Variants in DOCK10 observed in about 807,000 individuals in gnomAD.
The protein encoded by DOCK10 is dedicator of cytokinesis 10, also known as dedicator of cytokinesis protein 10.
DOCK10 carries 145 observed loss-of-function variants against 280.1 expected under a neutral mutation model. That is an observed-to-expected ratio of 0.52 (90% confidence interval 0.45 to 0.59). The LOEUF (loss-of-function observed/expected upper bound fraction) is 0.59. Ranked by LOEUF, DOCK10 falls within the 20% of genes least tolerant of loss-of-function variation. The probability of loss-of-function intolerance (pLI) is 0.00; values close to 1 mark genes in which losing one functional copy is unlikely to be tolerated. For synonymous variants in DOCK10, 915 were observed against 942.2 expected, an observed-to-expected ratio of 0.97 and a Z score of 0.53; for missense variants, 2,368 against 2,651.7, an observed-to-expected ratio of 0.89 and a Z score of 2.35.
At chr2:224,894,317 A>G (rs1465375409) in intron 4 of DOCK10, among the ~76,000 whole-genome samples, 1 of 152,180 alleles carries the variant, frequency 6.6e-6, no homozygotes, top group East Asian at 1.9e-4. Context: ...TTCTTTCTTT[A>G]CAGCATCATG....
Position 224,770,199 on chromosome 2 carries a change from A to G in DOCK10, c.6444+12T>C, listed in dbSNP as rs753230676. ...GTCCACTGATAGCGCGTGTGCACCA[A>G]GGAGCGCTCACCTGCTCATTCATGA... On this transcript the variant is annotated intron_variant, in intron 55 of 55. Transcript: ENST00000258390. The surrounding 1 kb of genome is among the most constrained non-coding windows in gnomAD (Gnocchi z 4.5). 6.5e-5 allele frequency: 100 copies of G among 1,541,952 alleles called. No homozygotes were observed. The Admixed American group carries it at 1.5e-3, about 23-fold the overall frequency.
intron 31 of DOCK10, among the ~76,000 whole-genome samples, chr2:224,810,607 T>C (rs1160149523): frequency 6.7e-6 from 1 of 149,778 alleles, no homozygotes; most frequent in Non-Finnish European, 1.5e-5. Flanking sequence ...TAGCATTAGG[T>C]TTATCTCCTA....
intron 9 of DOCK10, 31 bp downstream of exon 9, chr2:224,874,635 G>A: frequency 6.4e-7 from 1 of 1,570,058 alleles, no homozygotes; most frequent in Non-Finnish European, 8.8e-7. Flanking sequence ...AATTCAAATT[G>A]GTTTTGCAAG....
At chr2:224,925,464 A>T (rs1268283699) in intron 2 of DOCK10, among the ~76,000 whole-genome samples, 1 of 152,222 alleles carries the variant, frequency 6.6e-6, no homozygotes, top group Non-Finnish European at 1.5e-5. Context: ...GAATTTGAGA[A>T]GATAATGAGA....
chr2:224,808,292 G>C (rs950186867), intron 31 of DOCK10, among the ~76,000 whole-genome samples: 6 of 152,036 alleles, frequency 3.9e-5, no homozygotes, highest in African/African-American at 1.4e-4. Flanking sequence ...CACAAATACA[G>C]GTACAAACTA....
At chr2:224,831,730 G>A (rs1695251199) in intron 26 of DOCK10, among the ~76,000 whole-genome samples, 1 of 152,170 alleles carries the variant, frequency 6.6e-6, no homozygotes. Flanking sequence ...TCTGAGTGCT[G>A]TCCACAACCT....
chr2:224,853,332 G>GA (rs1189868626), intron 16 of DOCK10, among the ~76,000 whole-genome samples: 4 of 152,058 alleles, frequency 2.6e-5, no homozygotes, highest in African/African-American at 7.2e-5. Context: ...TGATGTCTCA[G>GA]AAAAAAACAG....
chr2:224,957,294 C>CCT (rs1559862823), intron 1 of DOCK10, among the ~76,000 whole-genome samples: 2 of 142,280 alleles, frequency 1.4e-5, no homozygotes, highest in African/African-American at 5.1e-5. Flanking sequence ...CGCCCCCCCC[C>CCT]GGCTTTGTTT....
At position 224,823,652 on chromosome 2, in the gene DOCK10, G is replaced by A. The variant is rs1387813676; in HGVS notation, c.3037-5C>T. On this transcript the variant is annotated splice_polypyrimidine_tract_variant and splice_region_variant and intron_variant, in intron 27 of 55. Transcript: ENST00000258390. Reference sequence around the variant, plus strand: ...AAATCTCTGAGGCCGGGGAAGCTAAGGAAAGAACGGATTATATCTTTCTAA... The same window carrying A: ...AAATCTCTGAGGCCGGGGAAGCTAAAGAAAGAACGGATTATATCTTTCTAA... 4.4e-6 allele frequency: 7 copies of A among 1,586,358 alleles called. No individual in the cohort carries two copies. In the African/African-American group the frequency reaches 8.2e-5, roughly 19 times the overall value.
At position 224,916,784 on chromosome 2, in the gene DOCK10, C is replaced by T; in HGVS notation, c.244G>A (p.Ala82Thr). Reference protein sequence around the residue: ...LLFFPSDDFSAATVSWDIRTL... With the variant: ...LLFFPSDDFSTATVSWDIRTL... ...CGGATATCCCAGGAAACTGTGGCTG[C>T]CTGAAACGAACAATGAAAAGAAATT... The change falls in exon 3 of 56, where the codon GCA becomes ACA. Residue 82 changes from alanine to threonine, a missense_variant and splice_region_variant. By Grantham distance (58) the Ala-to-Thr change is moderately conservative. Around this residue, in one of 2 missense-constraint regions of DOCK10, gnomAD observed 1,209 missense variants for 1,250.9 expected, o/e 0.97. Transcript: ENST00000258390. 1.2e-6 allele frequency: 2 copies of T among 1,606,724 alleles called. No homozygotes were observed. The highest frequency in any genetic ancestry group is 8.5e-7 in the Non-Finnish European group (1 of 1,176,282).
rs149445245 is a variant in DOCK10 at position 224,790,560 on chromosome 2, A to T, written c.5312-1390T>A. 2.7e-3 allele frequency among the ~76,000 whole-genome samples: 414 copies of T among 152,294 alleles called. 1 individual carries two copies. Among genetic ancestry groups the T allele is most frequent in the Middle Eastern group, 3.4e-3 (1 of 294 alleles). Reference sequence around the variant, plus strand: ...GTAACTAAATGATCACTCCCCAAACATGCTAGAAATTATAAATATAATAAT... The same window carrying T: ...GTAACTAAATGATCACTCCCCAAACTTGCTAGAAATTATAAATATAATAAT... On this transcript the variant is annotated intron_variant, in intron 47 of 55. Coordinates refer to ENST00000258390, the MANE Select transcript of DOCK10 (RefSeq NM_014689.3).
At chr2:224,898,736 C>T (rs1432279050) in intron 3 of DOCK10, among the ~76,000 whole-genome samples, 4 of 152,120 alleles carry the variant, frequency 2.6e-5, no homozygotes, top group African/African-American at 4.8e-5. Context: ...GCCACCACGC[C>T]GGGCTAATTT....
At chr2:225,034,111 C>G (rs56187087) in intron 1 of DOCK10, among the ~76,000 whole-genome samples, 159 of 152,330 alleles carry the variant, frequency 1.0e-3, no homozygotes, top group Non-Finnish European at 1.9e-3. Flanking sequence ...GAAACTCTTC[C>G]TATAACTAGT....
At chr2:224,890,939 A>T (rs1293668524) in intron 4 of DOCK10, among the ~76,000 whole-genome samples, 1 of 152,232 alleles carries the variant, frequency 6.6e-6, no homozygotes, top group African/African-American at 2.4e-5. Context: ...AGAAAAAATG[A>T]ACTGCAGACA....
chr2:224,919,644 T>TTG (rs984440596), intron 2 of DOCK10, among the ~76,000 whole-genome samples: 1 of 146,116 alleles, frequency 6.8e-6, no homozygotes, highest in African/African-American at 2.5e-5. Flanking sequence ...GTGGTGAGTG[T>TTG]TGTGTGTGTG....
At position 224,962,025 on chromosome 2, in the gene DOCK10, G is replaced by A. The variant is rs554806048; in HGVS notation, c.124-30357C>T. Among the ~76,000 whole-genome samples, 385 of 152,260 alleles carry A rather than the reference G, an allele frequency of 2.5e-3. 3 individuals carry two copies. Among genetic ancestry groups the A allele is most frequent in the African/African-American group, 8.9e-3 (371 of 41,532 alleles). The stretch of plus-strand genomic sequence containing the variant: ...ACTAGGGCAGATGCCAGGTTGCACT[G>A]GTGCTAAAACAAAGAATTGACAGCA... On this transcript the variant is annotated intron_variant, in intron 1 of 55. Coordinates refer to ENST00000258390, the MANE Select transcript of DOCK10 (RefSeq NM_014689.3).
intron 1 of DOCK10, among the ~76,000 whole-genome samples, chr2:224,934,537 A>G (rs1702575848): frequency 1.3e-5 from 2 of 152,234 alleles, no homozygotes; most frequent in Non-Finnish European, 1.5e-5. Flanking sequence ...TGCTTTACAC[A>G]TCTGTGATGG....
chr2:224,917,167 G>T (rs62186353), intron 2 of DOCK10, among the ~76,000 whole-genome samples: 79 of 138,696 alleles, frequency 5.7e-4, no homozygotes, highest in African/African-American at 2.0e-3. Context: ...GTGCAATGGC[G>T]TGATCTTGGC....
At chr2:224,845,467 C>A in intron 20 of DOCK10, 52 bp downstream of exon 20, 2 of 1,584,776 alleles carry the variant, frequency 1.3e-6, no homozygotes, top group Non-Finnish European at 1.7e-6. Context: ...CTCTCCAAAC[C>A]AATTCAAACA....
Sources: gnomAD v4.1 joint callset for allele counts (sites outside exome capture counted in the v4.1 genomes callset) on GRCh38, gnomAD v4.1.1 for gene constraint, gnomAD v4.1.1 regional missense constraint, Gnocchi (gnomAD v3.1) non-coding constraint, MANE v1.5 for transcripts, NCBI Gene and HGNC (gene_info 2026-07-23, HGNC 2026-07-21) for gene names.